Variants in MED24 observed in about 807,000 individuals in gnomAD.
MED24 encodes the protein mediator of RNA polymerase II transcription subunit 24.
In MED24, 74 loss-of-function variants were observed where a neutral mutation model predicts 118.8. The ratio of observed to expected loss-of-function variants is 0.62; its 90% CI spans 0.52 to 0.76. MED24 has a LOEUF of 0.76. Ranked by LOEUF, MED24 falls within the 30% of genes least tolerant of loss-of-function variation. The pLI is 0.00. For missense variants in MED24, 1,041 were observed against 1,278.9 expected (o/e 0.81, Z 2.84); for synonymous variants, 521 against 523.9 (o/e 0.99, Z 0.08).
In MED24 at chr17:40,032,110, G is replaced by GA. The variant is rs752670838; in HGVS notation, c.937-21dup. Reference sequence around the variant, plus strand: ...TGGAATCTAGGGGGTGAGGCAGGGGGAAAAACAGGAAGATCCATTTCTTTT... The same window carrying GA: ...TGGAATCTAGGGGGTGAGGCAGGGGGAAAAAACAGGAAGATCCATTTCTTTT... On this transcript the variant is annotated intron_variant, in intron 9 of 25. Coordinates refer to ENST00000394128, the MANE Select transcript of MED24 (RefSeq NM_014815.4). The GA allele has an allele frequency of 1.2e-6, 2 of 1,611,768 alleles. No homozygotes were observed. The highest frequency in any genetic ancestry group is 1.7e-6 in the Non-Finnish European group (2 of 1,178,470).
chr17:40,040,927 T>C (rs1291691046), intron 3 of MED24, among the ~76,000 whole-genome samples: 1 of 152,062 alleles, frequency 6.6e-6, no homozygotes, highest in Non-Finnish European at 1.5e-5. Flanking sequence ...TAATTTTACT[T>C]TTTTAGTAGA....
Position 40,029,859 on chromosome 17 carries a change from G to T in MED24, c.1155C>A (p.Arg385=), listed in dbSNP as rs1446442944. 1 of 1,613,662 alleles carries T rather than the reference G, an allele frequency of 6.2e-7. No individual in the cohort carries two copies. ...GGGGTGCGTGCTCTCGGTCCGCTTT[G>T]CTGTGGACATCACCAGTTGGCCAAG... ...EASVNNLMAK[R]KADREHAPQQ... The change falls in exon 13 of 26, where the codon CGC becomes CGA. Residue 385 remains arginine (R), a splice_region_variant and synonymous_variant. Transcript: ENST00000394128.
intron 10 of MED24, 143 bp downstream of exon 10, chr17:40,031,900 A>ATT: frequency 1.0e-6 from 1 of 984,002 alleles, no homozygotes. Context: ...AAGCATGCAC[A>ATT]TTGTGAAGCA....
At chr17:40,024,118 G>T (rs551593069) in intron 19 of MED24, among the ~76,000 whole-genome samples, 2 of 152,156 alleles carry the variant, frequency 1.3e-5, no homozygotes, top group African/African-American at 4.8e-5. Flanking sequence ...GGTAGGGCGG[G>T]GGGGAAGGTG....
chr17:40,034,849 T>TGGGGGGGGGGGGGGGGGGGGGGGG, intron 6 of MED24: 1 of 604,722 alleles, frequency 1.7e-6, no homozygotes, highest in Non-Finnish European at 2.9e-6. Context: ...GCTCCTTTGG[T>TGGGGGGGGGGGGGGGGGGGGGGGG]AGCCCCCCAC....
intron 3 of MED24, among the ~76,000 whole-genome samples, chr17:40,038,226 G>T (rs903949388): frequency 6.6e-6 from 1 of 152,090 alleles, no homozygotes; most frequent in Non-Finnish European, 1.5e-5. Flanking sequence ...TCCAGCCCAA[G>T]AACTGATACA....
At chr17:40,038,572 G>A (rs564540910) in intron 3 of MED24, among the ~76,000 whole-genome samples, 9 of 152,044 alleles carry the variant, frequency 5.9e-5, no homozygotes, top group Non-Finnish European at 1.2e-4. Flanking sequence ...CTAGCCGGGC[G>A]TGGTGGCGCA....
intron 1 of MED24, chr17:40,053,965 C>T (rs930313911): frequency 1.7e-5 from 7 of 422,286 alleles, no homozygotes; most frequent in African/African-American, 1.4e-4. Context: ...ACCTCGTCTC[C>T]ACTAAAAATA....
At chr17:40,051,208 G>A (rs548214091) in intron 3 of MED24, among the ~76,000 whole-genome samples, 118 of 152,198 alleles carry the variant, frequency 7.8e-4, no homozygotes, top group Admixed American at 1.6e-3. Flanking sequence ...CTACTTGGGA[G>A]GCTGAGGCAG....
chr17:40,035,378 T>C (rs1255521647), intron 5 of MED24, 29 bp from the exon 6 acceptor site: 3 of 1,545,980 alleles, frequency 1.9e-6, no homozygotes, highest in Non-Finnish European at 2.6e-6. Flanking sequence ...AATCAGACTC[T>C]GTTCTTCCAA....
Position 40,022,485 on chromosome 17 carries a change from C to T in MED24, c.2433-1G>A, listed in dbSNP as rs376898440. On this transcript the variant is annotated splice_acceptor_variant, in intron 21 of 25. Coordinates refer to ENST00000394128, the MANE Select transcript of MED24 (RefSeq NM_014815.4). LOFTEE classifies it high-confidence loss of function. ...ACTGAGGGCACACCACACGGCCAGC[C>T]TGGCAAAGGGTTCCAGAAAAAGGGG... 6.2e-7 allele frequency: 1 copy of T among 1,607,274 alleles called. No individual in the cohort carries two copies. Among genetic ancestry groups the T allele is most frequent in the Admixed American group, 1.7e-5 (1 of 58,650 alleles).
intron 3 of MED24, among the ~76,000 whole-genome samples, chr17:40,038,851 C>G (rs1280378215): frequency 6.6e-6 from 1 of 152,178 alleles, no homozygotes; most frequent in Admixed American, 6.6e-5. Context: ...CCTGGGTGAA[C>G]AGGAGCAAAA....
chr17:40,053,374 A>G lies in MED24; in HGVS notation c.137T>C (p.Leu46Ser), dbSNP rs1419707322. The G allele has an allele frequency of 6.2e-7, 1 of 1,613,288 alleles. No homozygotes were observed. Among genetic ancestry groups the G allele is most frequent in the Non-Finnish European group, 8.5e-7 (1 of 1,179,494 alleles). Residue 46 changes from leucine to serine, a missense_variant, in exon 3 of 26, where the codon TTA becomes TCA. By Grantham distance (145) the Leu-to-Ser change is moderately radical. Coordinates refer to ENST00000394128, the MANE Select transcript of MED24 (RefSeq NM_014815.4). ...TGGTCCAATCATGGCCTGCTCTAGT[A>G]ACGCATCTGCAAGAGGAATAGCAAA... ...TWDILNLADA[L>S]LEQAMIGPSP...
chr17:40,027,686 G>A (rs905980339), intron 15 of MED24: 14 of 665,880 alleles, frequency 2.1e-5, no homozygotes, highest in Non-Finnish European at 3.6e-5. Context: ...TAACCAAGTC[G>A]TAAAGGGATG....
At chr17:40,025,239 G>A (rs1982505552) in intron 19 of MED24, among the ~76,000 whole-genome samples, 1 of 152,138 alleles carries the variant, frequency 6.6e-6, no homozygotes, top group South Asian at 2.1e-4. Flanking sequence ...CCAGCACTTT[G>A]GGAGACCACG....
intron 3 of MED24, among the ~76,000 whole-genome samples, chr17:40,040,444 G>A (rs1419643998): frequency 1.3e-5 from 2 of 151,802 alleles, no homozygotes; most frequent in Admixed American, 6.6e-5. Context: ...TCAAATTCCT[G>A]GTCAAGTGAG....
rs761946016 is a variant in MED24, at chr17:40,031,545, G to A, written c.1060C>T (p.Arg354Cys). The change falls in exon 11 of 26, where the codon CGC becomes TGC. Residue 354 changes from arginine (R) to cysteine (C), a missense_variant. By Grantham distance (180) the Arg-to-Cys change is radical (BLOSUM62 -3). Transcript: ENST00000394128. ...LTPLLDKADQRCNCDCTNFLL... is the reference protein window; with the variant it reads ...LTPLLDKADQCCNCDCTNFLL... Reference sequence around the variant, plus strand: ...GACCAGGGGAGCTCATACTTGCAGCGCTGGTCAGCTTTGTCCAACAAGGGG... The same window carrying A: ...GACCAGGGGAGCTCATACTTGCAGCACTGGTCAGCTTTGTCCAACAAGGGG... 41 of 1,613,798 alleles carry A rather than the reference G, an allele frequency of 2.5e-5. No individual in the cohort carries two copies. The highest frequency in any genetic ancestry group is 1.6e-4 in the Middle Eastern group (1 of 6,082).
At chr17:40,035,959 A>G (rs1376570531) in intron 4 of MED24, 157 bp downstream of exon 4, 37 of 1,081,582 alleles carry the variant, frequency 3.4e-5, no homozygotes, top group Admixed American at 4.0e-5. Flanking sequence ...ACCAGCCCCT[A>G]CTTGCCAGGA....
chr17:40,027,071 A>C (rs371016673), intron 16 of MED24, 37 bp from the exon 17 acceptor site: 35 of 1,608,576 alleles, frequency 2.2e-5, no homozygotes, highest in Admixed American at 1.2e-4. Flanking sequence ...CCGAGTGGGG[A>C]GGGCGCGGCG....
Sources: gnomAD v4.1 joint callset for allele counts (sites outside exome capture counted in the v4.1 genomes callset) on GRCh38, gnomAD v4.1.1 for gene constraint, MANE v1.5 for transcripts, NCBI Gene and HGNC (gene_info 2026-07-23, HGNC 2026-07-21) for gene names.